PDE10A: variants seen among roughly 807,000 people sequenced by gnomAD.
The protein encoded by PDE10A is cAMP and cAMP-inhibited cGMP 3',5'-cyclic phosphodiesterase 10A.
PDE10A carries 39 observed loss-of-function variants against 97.7 expected under a neutral mutation model. That is an observed-to-expected ratio of 0.40 (90% CI 0.31 to 0.52). The LOEUF (loss-of-function observed/expected upper bound fraction) is 0.52. PDE10A is among the 20% of genes least tolerant of loss of function. The pLI is 0.56. For missense variants in PDE10A, 731 were observed against 1,047.8 expected (o/e 0.70, Z 4.17); for synonymous variants, 371 against 376.8 (o/e 0.98, Z 0.18).
At chr6:165,813,493 G>T (rs1490545468) in intron 1 of PDE10A, among the ~76,000 whole-genome samples, 1 of 152,100 alleles carries the variant, frequency 6.6e-6, no homozygotes, top group African/African-American at 2.4e-5. Context: ...AAACATTGAC[G>T]ATCCTACATC....
In PDE10A at chr6:165,661,833, G is replaced by A. The variant is rs930008417; in HGVS notation, c.865+114C>T. On this transcript the variant is annotated intron_variant, in intron 1 of 21. Transcript: ENST00000539869. The surrounding 1 kb of genome is among the most constrained non-coding windows in gnomAD (Gnocchi z 4.8). ...AAGCCCCCTGGGCGCTCCACGCCCGGGCACGGGCACCTCGCTCGACACCCG... is the reference window on the plus strand; with the variant it reads ...AAGCCCCCTGGGCGCTCCACGCCCGAGCACGGGCACCTCGCTCGACACCCG... 7 of 601,106 alleles carry A rather than the reference G, an allele frequency of 1.2e-5. No individual in the cohort carries two copies. Among genetic ancestry groups the A allele is most frequent in the Non-Finnish European group, 2.1e-5 (7 of 327,974 alleles). 37.2% of individuals were successfully genotyped at this position (601,106 alleles called of 1,614,324 possible). A position where few individuals can be genotyped will look rare whatever the true frequency, so the allele number is the denominator to read the frequency against.
chr6:165,352,493 TA>T (rs1352433416), intron 18 of PDE10A, among the ~76,000 whole-genome samples: 2 of 152,152 alleles, frequency 1.3e-5, no homozygotes, highest in African/African-American at 4.8e-5. Context: ...ATATTAGCTA[TA>T]AAGTTTCAAG....
intron 1 of PDE10A, among the ~76,000 whole-genome samples, chr6:165,689,903 G>C (rs2033872518): frequency 6.6e-6 from 1 of 152,106 alleles, no homozygotes; most frequent in African/African-American, 2.4e-5. Flanking sequence ...TCTGCCACCG[G>C]GTGAGTACAA....
At chr6:165,371,828 A>G (rs948303231) in intron 18 of PDE10A, among the ~76,000 whole-genome samples, 19 of 152,184 alleles carry the variant, frequency 1.2e-4, no homozygotes, top group African/African-American at 3.9e-4. Context: ...AAAATCCTCA[A>G]TAAAATACTG....
At chr6:165,687,706 C>T (rs1418583430) in intron 1 of PDE10A, among the ~76,000 whole-genome samples, 1 of 152,224 alleles carries the variant, frequency 6.6e-6, no homozygotes, top group African/African-American at 2.4e-5. Flanking sequence ...CTATGGAATA[C>T]TGCTACTGGC....
At chr6:165,604,234 G>A (rs954172812) in intron 1 of PDE10A, among the ~76,000 whole-genome samples, 3 of 152,150 alleles carry the variant, frequency 2.0e-5, no homozygotes, top group African/African-American at 4.8e-5. Context: ...GTAGTAAAGC[G>A]CTGGGAGGTT....
At chr6:165,738,427 G>C (rs1183285158) in intron 1 of PDE10A, among the ~76,000 whole-genome samples, 1 of 150,446 alleles carries the variant, frequency 6.6e-6, no homozygotes, top group Non-Finnish European at 1.5e-5. Flanking sequence ...GGACATTTGG[G>C]TTGGTTCCAA....
intron 1 of PDE10A, among the ~76,000 whole-genome samples, chr6:165,931,565 A>G (rs529349027): frequency 7.2e-5 from 11 of 152,334 alleles, no homozygotes; most frequent in African/African-American, 2.6e-4. Flanking sequence ...ACATGAAAGA[A>G]GGTGGGAGAA....
intron 1 of PDE10A, among the ~76,000 whole-genome samples, chr6:165,641,620 A>T (rs1789138640): frequency 6.6e-6 from 1 of 152,160 alleles, no homozygotes; most frequent in Non-Finnish European, 1.5e-5. Context: ...ATATTGGCAA[A>T]TATTATTTAG....
intron 18 of PDE10A, among the ~76,000 whole-genome samples, chr6:165,350,904 G>C (rs563408236): frequency 6.6e-6 from 1 of 152,216 alleles, no homozygotes; most frequent in African/African-American, 2.4e-5. Flanking sequence ...GGCCTCCCTA[G>C]CCATGCTAAA....
rs377202492 is a variant in PDE10A at position 165,376,762 on chromosome 6, G to A, written c.2783+2432C>T. Among the ~76,000 whole-genome samples, 13 of 152,096 alleles carry A rather than the reference G, an allele frequency of 8.5e-5. No individual in the cohort carries two copies. In the East Asian group the frequency reaches 1.7e-3, roughly 20 times the overall value. On this transcript the variant is annotated intron_variant, in intron 18 of 21. Transcript: ENST00000539869. ...ATTCCCTATCTCTAAAATAAGAAAT[G>A]AAAAAAATTAGCTGGGCATGGTGGT...
intron 1 of PDE10A, among the ~76,000 whole-genome samples, chr6:165,903,497 T>A (rs1782171059): frequency 6.6e-6 from 1 of 152,134 alleles, no homozygotes; most frequent in Non-Finnish European, 1.5e-5. Flanking sequence ...TGCCACATAT[T>A]GAGACTAGGA....
chr6:165,533,465 A>G (rs533026636), intron 2 of PDE10A, among the ~76,000 whole-genome samples: 1 of 152,340 alleles, frequency 6.6e-6, no homozygotes, highest in South Asian at 2.1e-4. Flanking sequence ...CTGTGTGTCT[A>G]AACACAGAAA....
chr6:165,603,500 G>C (rs1045066868), intron 1 of PDE10A, among the ~76,000 whole-genome samples: 2 of 152,214 alleles, frequency 1.3e-5, no homozygotes, highest in Non-Finnish European at 2.9e-5. Context: ...TATATAAAAG[G>C]CTTCTGAGTA....
chr6:165,919,952 A>AT (rs1304638334), intron 1 of PDE10A, among the ~76,000 whole-genome samples: 3 of 152,026 alleles, frequency 2.0e-5, no homozygotes, highest in Admixed American at 6.5e-5. Context: ...AGAGTCTCTG[A>AT]TTTTTTTTGG....
At chr6:165,397,049 T>C (rs927927690) in intron 13 of PDE10A, among the ~76,000 whole-genome samples, 3 of 152,240 alleles carry the variant, frequency 2.0e-5, no homozygotes, top group African/African-American at 7.2e-5. Flanking sequence ...TCGTCAGTCA[T>C]AGACTGTGTC....
chr6:165,835,862 G>A (rs1015722336), intron 1 of PDE10A, among the ~76,000 whole-genome samples: 3 of 152,148 alleles, frequency 2.0e-5, no homozygotes, highest in Admixed American at 6.5e-5. Flanking sequence ...GTTGAGCCAC[G>A]ATAAATTATC....
intron 1 of PDE10A, among the ~76,000 whole-genome samples, chr6:165,686,328 G>C (rs1791116428): frequency 6.6e-6 from 1 of 152,156 alleles, no homozygotes; most frequent in South Asian, 2.1e-4. Flanking sequence ...AGTCTTTCCT[G>C]GTTGGATTTC....
intron 1 of PDE10A, among the ~76,000 whole-genome samples, chr6:165,591,293 T>G (rs994718539): frequency 6.6e-6 from 1 of 152,170 alleles, no homozygotes; most frequent in Non-Finnish European, 1.5e-5. Context: ...ATTTTAAGAA[T>G]TTTCTCTGAC....
Sources: gnomAD v4.1 joint callset for allele counts (sites outside exome capture counted in the v4.1 genomes callset) on GRCh38, gnomAD v4.1.1 for gene constraint, Gnocchi (gnomAD v3.1) non-coding constraint, MANE v1.5 for transcripts, NCBI Gene and HGNC (gene_info 2026-07-23, HGNC 2026-07-21) for gene names.